PRPSAP2: variants seen among roughly 807,000 people sequenced by gnomAD.
The protein encoded by PRPSAP2 is phosphoribosyl pyrophosphate synthase-associated protein 2.
PRPSAP2 carries 24 observed loss-of-function variants against 40.6 expected under a neutral mutation model. That is an observed-to-expected ratio of 0.59 (90% confidence interval 0.43 to 0.83). The LOEUF is 0.83. Ranked by LOEUF, PRPSAP2 falls within the 40% of genes least tolerant of loss-of-function variation. The pLI, the probability that PRPSAP2 is intolerant of heterozygous loss-of-function variation, is 0.00. For missense variants in PRPSAP2, 292 were observed against 465.6 expected, an observed-to-expected ratio of 0.63 and a Z score of 3.43; for synonymous variants, 149 against 164.7, an observed-to-expected ratio of 0.90 and a Z score of 0.73.
intron 9 of PRPSAP2, among the ~76,000 whole-genome samples, chr17:18,913,791 A>C (rs1004630096): frequency 6.7e-6 from 1 of 149,488 alleles, no homozygotes; most frequent in African/African-American, 2.5e-5. Context: ...CAAGTGATCC[A>C]CCCGCCTTAA....
intron 9 of PRPSAP2, among the ~76,000 whole-genome samples, chr17:18,914,730 T>A (rs545230112): frequency 2.9e-5 from 2 of 69,628 alleles, no homozygotes; most frequent in Non-Finnish European, 7.4e-5. Flanking sequence ...TTCACTGCCC[T>A]TTTTTTTTTT....
At chr17:18,893,088 T>G (rs148267661) in intron 8 of PRPSAP2, among the ~76,000 whole-genome samples, 2,220 of 152,214 alleles carry the variant, frequency 0.015, 38 homozygotes, top group Admixed American at 0.047. Context: ...GCAGATTGTC[T>G]TTTCACTGTC....
intron 8 of PRPSAP2, chr17:18,904,514 C>G (rs1228185192): frequency 1.3e-5 from 2 of 152,234 alleles, no homozygotes; most frequent in Admixed American, 1.3e-4. Flanking sequence ...CTCGGCCTCC[C>G]AAAGTGTTGG....
At chr17:18,929,043 T>G in intron 11 of PRPSAP2, 86 bp downstream of exon 11, 2 of 1,514,708 alleles carry the variant, frequency 1.3e-6, no homozygotes, top group South Asian at 2.6e-5. Context: ...AGGACAAGAC[T>G]GAGATCTTTT....
At chr17:18,913,645 C>T (rs572369061) in intron 9 of PRPSAP2, among the ~76,000 whole-genome samples, 3 of 148,186 alleles carry the variant, frequency 2.0e-5, no homozygotes, top group Non-Finnish European at 4.5e-5. Context: ...CCTCCTGGGC[C>T]CAAGCAGTCC....
chr17:18,862,137 C>G (rs535822403), intron 1 of PRPSAP2, among the ~76,000 whole-genome samples: 47 of 152,286 alleles, frequency 3.1e-4, no homozygotes, highest in Non-Finnish European at 5.4e-4. Context: ...ATCCGCCTGC[C>G]TCGCTCTCCC....
rs58195806 is a variant in PRPSAP2, at chr17:18,869,838, T to TGTGTGTGTGTGTGTGTG, written c.172+2504_172+2505insGTGTGTGTGTGTGTGTG. Among the ~76,000 whole-genome samples the TGTGTGTGTGTGTGTGTG allele has an allele frequency of 5.3e-3, 746 of 139,572 alleles. 7 individuals are homozygous for TGTGTGTGTGTGTGTGTG. The highest frequency in any genetic ancestry group is 7.7e-3 in the African/African-American group (276 of 36,000). 91.6% of individuals were successfully genotyped at this position (139,572 alleles called of 152,430 possible). A position where few individuals can be genotyped will look rare whatever the true frequency, so the allele number is the denominator to read the frequency against. ...CAATCTGTTCCCATTTTGCTACTTT[T>TGTGTGTGTGTGTGTGTG]TTTTTGTGTGTGTGTGTGTGTGTGT... On this transcript the variant is annotated intron_variant, in intron 4 of 11. Coordinates refer to ENST00000268835, the MANE Select transcript of PRPSAP2 (RefSeq NM_002767.4).
At chr17:18,892,329 C>T (rs1311486098) in intron 8 of PRPSAP2, among the ~76,000 whole-genome samples, 1 of 151,428 alleles carries the variant, frequency 6.6e-6, no homozygotes, top group Admixed American at 6.6e-5. Flanking sequence ...TTCATTTTTC[C>T]TTTCTTGTGG....
At chr17:18,884,281 AAAC>A (rs935842984) in intron 7 of PRPSAP2, among the ~76,000 whole-genome samples, 1 of 152,180 alleles carries the variant, frequency 6.6e-6, no homozygotes, top group Non-Finnish European at 1.5e-5. Context: ...ACAAAAAAGA[AAAC>A]AAAAATACTC....
At chr17:18,883,344 G>A (rs1277592809) in intron 7 of PRPSAP2, among the ~76,000 whole-genome samples, 2 of 151,002 alleles carry the variant, frequency 1.3e-5, no homozygotes, top group Admixed American at 6.6e-5. Flanking sequence ...ATTTAAGAAA[G>A]CTTTTAAAAT....
At position 18,930,714 on chromosome 17, in the gene PRPSAP2, A is replaced by G; in HGVS notation, c.*16A>G. On this transcript the variant is annotated 3_prime_UTR_variant, in exon 12 of 12. Coordinates refer to ENST00000268835, the MANE Select transcript of PRPSAP2 (RefSeq NM_002767.4). ...AGATGACTGAGTTTTCCTTTAGGAA[A>G]ACTCCCGAGGGCCAAACTGGAAACA... 1.3e-6 allele frequency: 2 copies of G among 1,596,002 alleles called. No homozygotes were observed. Among genetic ancestry groups the G allele is most frequent in the Middle Eastern group, 1.7e-4 (1 of 5,798 alleles).
intron 1 of PRPSAP2, among the ~76,000 whole-genome samples, chr17:18,860,252 C>T (rs1045740640): frequency 2.6e-5 from 4 of 151,404 alleles, no homozygotes; most frequent in African/African-American, 7.3e-5. Flanking sequence ...GTAGGGGTTT[C>T]GCCTTGTTGA....
intron 7 of PRPSAP2, among the ~76,000 whole-genome samples, chr17:18,887,838 CTTT>C (rs11364727): frequency 4.9e-5 from 4 of 81,768 alleles, no homozygotes; most frequent in Non-Finnish European, 5.4e-5. Flanking sequence ...CTTGTTCTTT[CTTT>C]TTTTTTTTTT....
At chr17:18,856,711 T>C (rs1307520610), upstream of PRPSAP2, among the ~76,000 whole-genome samples, 1 of 152,208 alleles carries the variant, frequency 6.6e-6, no homozygotes, top group African/African-American at 2.4e-5. Context: ...AGGGATTAGG[T>C]AAGTGAAGAC....
intron 5 of PRPSAP2, among the ~76,000 whole-genome samples, chr17:18,876,227 G>T (rs889855239): frequency 7.2e-5 from 11 of 152,148 alleles, no homozygotes; most frequent in African/African-American, 2.7e-4. Context: ...AAATAAAAGA[G>T]AAATTTAAAA....
chr17:18,916,376 ATT>A (rs1160254744), intron 9 of PRPSAP2, among the ~76,000 whole-genome samples: 10 of 137,638 alleles, frequency 7.3e-5, no homozygotes, highest in Admixed American at 2.2e-4. Flanking sequence ...TAGACTTGGT[ATT>A]TTTTTTTTTT....
chr17:18,892,316 G>C (rs2039599267), intron 8 of PRPSAP2, among the ~76,000 whole-genome samples: 1 of 152,000 alleles, frequency 6.6e-6, no homozygotes, highest in Admixed American at 6.6e-5. Context: ...GTTGGCATAA[G>C]TTTTCATTTT....
chr17:18,892,745 A>ATTTATTTAT (rs57347460), intron 8 of PRPSAP2, among the ~76,000 whole-genome samples: 45,375 of 125,378 alleles, frequency 0.36, 8,680 homozygotes, highest in Non-Finnish European at 0.39. Flanking sequence ...TTATTTATTT[A>ATTTATTTAT]TTTTTTTGAG....
At chr17:18,869,865 T>TGTGTGTGTGTGTGAGA (rs745428673) in intron 4 of PRPSAP2, among the ~76,000 whole-genome samples, 6 of 147,772 alleles carry the variant, frequency 4.1e-5, no homozygotes, top group Admixed American at 6.9e-5. Context: ...TGTGTGTGTG[T>TGTGTGTGTGTGTGAGA]GAGACAGAGT....
Sources: allele counts gnomAD v4.1 joint callset (sites outside exome capture counted in the v4.1 genomes callset), GRCh38; gene constraint gnomAD v4.1.1; transcripts MANE v1.5; gene names NCBI Gene and HGNC (gene_info 2026-07-23, HGNC 2026-07-21).